The following MOB4 variants were observed in gnomAD, a reference collection of about 807,000 sequenced individuals.
MOB4 encodes MOB-like protein phocein.
A neutral mutation model predicts 32.2 loss-of-function variants in MOB4; 4 were observed. The observed-to-expected ratio is 0.12, with a 90% CI of 0.06 to 0.28. The LOEUF (loss-of-function observed/expected upper bound fraction) is 0.28, where lower values mean the gene tolerates loss of function less well. Among genes scored for constraint, MOB4 ranks in the 10% least tolerant of loss-of-function variants. MOB4 has a pLI of 1.00. For missense variants in MOB4, 158 were observed against 271.2 expected (o/e 0.58, Z 2.93); for synonymous variants, 88 against 88.1 (o/e 1.00, Z 0.01).
At chr2:197,544,581 A>G (rs1436071987) in intron 5 of MOB4, among the ~76,000 whole-genome samples, 1 of 152,054 alleles carries the variant, frequency 6.6e-6, no homozygotes, top group East Asian at 1.9e-4. Context: ...GTGAAACCCC[A>G]TCTCTGCTAA....
chr2:197,535,166 T>C (rs1466214904), intron 2 of MOB4, among the ~76,000 whole-genome samples: 2 of 149,914 alleles, frequency 1.3e-5, no homozygotes, highest in African/African-American at 4.9e-5. Context: ...GATATTGCAG[T>C]GATCTGAGAT....
chr2:197,536,207 C>G (rs1041856494), intron 3 of MOB4, among the ~76,000 whole-genome samples: 2 of 152,056 alleles, frequency 1.3e-5, no homozygotes, highest in African/African-American at 2.4e-5. Flanking sequence ...GCCTTATTAT[C>G]CCCGCCTTTT....
chr2:197,537,207 G>GA (rs2086815312), intron 3 of MOB4, among the ~76,000 whole-genome samples: 2 of 152,128 alleles, frequency 1.3e-5, no homozygotes, highest in South Asian at 4.1e-4. Context: ...CCCTTTGAAT[G>GA]AAAAAATTGA....
At chr2:197,535,083 C>T (rs928622977) in intron 2 of MOB4, among the ~76,000 whole-genome samples, 12 of 152,022 alleles carry the variant, frequency 7.9e-5, no homozygotes, top group Non-Finnish European at 1.5e-4. Context: ...GTTAGCCCGG[C>T]GTGATGGCGT....
chr2:197,540,511 G>T, intron 5 of MOB4, 74 bp downstream of exon 5: 1 of 1,321,552 alleles, frequency 7.6e-7, no homozygotes, highest in South Asian at 1.9e-5. Context: ...TGTTAGACAA[G>T]TTTTTAGGGT....
At chr2:197,550,141 C>T (rs991147901) in intron 6 of MOB4, 134 bp from the exon 7 acceptor site, 13 of 698,068 alleles carry the variant, frequency 1.9e-5, no homozygotes, top group South Asian at 3.0e-5. Context: ...GGCATTTACT[C>T]GCAGTGTGAC....
chr2:197,548,799 A>G (rs1489662187), intron 6 of MOB4, among the ~76,000 whole-genome samples: 1 of 152,156 alleles, frequency 6.6e-6, no homozygotes, highest in Non-Finnish European at 1.5e-5. Context: ...GTTCAGTCTA[A>G]GGCTAGTACC....
At chr2:197,525,184 A>T (rs1349011292) in intron 2 of MOB4, among the ~76,000 whole-genome samples, 2 of 151,972 alleles carry the variant, frequency 1.3e-5, no homozygotes, top group Admixed American at 6.6e-5. Context: ...TCTCTTACTA[A>T]AAATATAAAA....
In MOB4 at chr2:197,551,966, A is replaced by G. The variant is rs1422263499; in HGVS notation, c.*1320A>G. The stretch of plus-strand genomic sequence containing the variant: ...TTAAATCCAACTTTTGAACAGATTT[A>G]ACAAACATGAGGAACTTTTTTATTT... On this transcript the variant is annotated 3_prime_UTR_variant, in exon 8 of 8. Transcript: ENST00000323303. 3 of 151,826 alleles carry G rather than the reference A, an allele frequency of 2.0e-5. No homozygotes were observed. Among genetic ancestry groups the G allele is most frequent in the African/African-American group, 7.3e-5 (3 of 41,238 alleles). The allele number at this position is 151,826 out of a possible 1,614,324, so 9.4% of individuals were successfully genotyped here. A position where few individuals can be genotyped will look rare whatever the true frequency, so the allele number is the denominator to read the frequency against.
intron 2 of MOB4, among the ~76,000 whole-genome samples, chr2:197,534,795 G>A (rs543261693): frequency 6.6e-6 from 1 of 152,020 alleles, no homozygotes; most frequent in Non-Finnish European, 1.5e-5. Context: ...TGCCCACCTC[G>A]GCCTCCCAAA....
rs1236318571 is a variant in MOB4, at chr2:197,516,115, T to C, written c.29T>C (p.Leu10Pro). Residue 10 changes from leucine to proline, a missense_variant, in exon 1 of 8, where the codon CTG becomes CCG. Coordinates refer to ENST00000323303, the MANE Select transcript of MOB4 (RefSeq NM_015387.5). MVMAEGTAV[L>P]RRNRPGTKAQ... ...GTCATGGCGGAGGGGACGGCAGTGCTGAGGCGGAACAGGCCGGGCACCAAG... is the reference window on the plus strand; with the variant it reads ...GTCATGGCGGAGGGGACGGCAGTGCCGAGGCGGAACAGGCCGGGCACCAAG... 2 of 1,604,308 alleles carry C rather than the reference T, an allele frequency of 1.2e-6. No homozygotes were observed. Among genetic ancestry groups the C allele is most frequent in the East Asian group, 2.3e-5 (1 of 44,244 alleles).
chr2:197,526,597 T>C (rs2086615776), intron 2 of MOB4, among the ~76,000 whole-genome samples: 1 of 152,252 alleles, frequency 6.6e-6, no homozygotes, highest in South Asian at 2.1e-4. Flanking sequence ...ATTACAGGTG[T>C]GAGCCGTCAC....
intron 3 of MOB4, 49 bp from the exon 4 acceptor site, chr2:197,540,062 T>A: frequency 6.5e-7 from 1 of 1,545,644 alleles, no homozygotes; most frequent in Non-Finnish European, 8.7e-7. Flanking sequence ...TTCTAAAAAT[T>A]GCTGTGAAGA....
intron 3 of MOB4, 30 bp from the exon 4 acceptor site, chr2:197,540,081 G>GA: frequency 6.3e-7 from 1 of 1,584,228 alleles, no homozygotes. Flanking sequence ...GAATAGATAT[G>GA]ACTTTTTATT....
intron 1 of MOB4, 138 bp downstream of exon 1, chr2:197,516,284 C>G: frequency 6.9e-7 from 1 of 1,450,930 alleles, no homozygotes; most frequent in Non-Finnish European, 9.1e-7. Context: ...CCTGCTCTTC[C>G]GGAGCTGCAG....
chr2:197,539,462 G>T (rs1019437021), intron 3 of MOB4, among the ~76,000 whole-genome samples: 1 of 151,896 alleles, frequency 6.6e-6, no homozygotes, highest in Admixed American at 6.6e-5. Context: ...GAGATTGCAG[G>T]CACCCGCTAT....
At chr2:197,548,637 A>G (rs1030094764) in intron 6 of MOB4, among the ~76,000 whole-genome samples, 1 of 152,218 alleles carries the variant, frequency 6.6e-6, no homozygotes, top group African/African-American at 2.4e-5. Flanking sequence ...ATAATAAAAT[A>G]AAAGATTAGT....
At chr2:197,529,207 A>G (rs1049237367) in intron 2 of MOB4, among the ~76,000 whole-genome samples, 5 of 151,892 alleles carry the variant, frequency 3.3e-5, no homozygotes, top group Non-Finnish European at 7.4e-5. Context: ...TGAACTCTTG[A>G]CTTGCCTGCC....
At chr2:197,516,258 G>A (rs2086409371) in intron 1 of MOB4, 112 bp downstream of exon 1, 1 of 1,492,002 alleles carries the variant, frequency 6.7e-7, no homozygotes, top group Non-Finnish European at 8.9e-7. Flanking sequence ...GGGCGGGCTG[G>A]GGCACTGGTG....
Sources: allele counts gnomAD v4.1 joint callset (sites outside exome capture counted in the v4.1 genomes callset), GRCh38; gene constraint gnomAD v4.1.1; transcripts MANE v1.5; gene names NCBI Gene and HGNC (gene_info 2026-07-23, HGNC 2026-07-21).